SUCLG2: variants seen among roughly 807,000 people sequenced by gnomAD.
SUCLG2 encodes succinate--CoA ligase [GDP-forming] subunit beta, mitochondrial.
SUCLG2 carries 42 observed loss-of-function variants against 47.9 expected under a neutral mutation model. The observed-to-expected ratio is 0.88, with a 90% CI of 0.69 to 1.14. The LOEUF (loss-of-function observed/expected upper bound fraction) is 1.14. Ranked by LOEUF, SUCLG2 falls within the 50% of genes most tolerant of loss-of-function variation. The probability of loss-of-function intolerance (pLI) is 0.00; values close to 1 mark genes in which losing one functional copy is unlikely to be tolerated. For synonymous variants in SUCLG2, 195 were observed against 197.3 expected (o/e 0.99, Z 0.10); for missense variants, 571 against 525.9 (o/e 1.09, Z -0.84).
intron 2 of SUCLG2, among the ~76,000 whole-genome samples, chr3:67,568,779 G>T (rs940272656): frequency 4.6e-5 from 7 of 151,994 alleles, no homozygotes; most frequent in Non-Finnish European, 1.0e-4. Flanking sequence ...CCCAGCTACT[G>T]GGGAGGCTGA....
At chr3:67,566,375 A>G (rs1395973616) in intron 2 of SUCLG2, among the ~76,000 whole-genome samples, 2 of 152,220 alleles carry the variant, frequency 1.3e-5, no homozygotes, top group Non-Finnish European at 2.9e-5. Flanking sequence ...AAATATGGAA[A>G]AAATCTCATA....
chr3:67,503,940 T>G (rs963587238), intron 7 of SUCLG2, among the ~76,000 whole-genome samples: 2 of 152,086 alleles, frequency 1.3e-5, no homozygotes, highest in African/African-American at 2.4e-5. Context: ...CAGAAGAATG[T>G]GTCACAGAAT....
At position 67,400,791 on chromosome 3, in the gene SUCLG2, C is replaced by T. The variant is rs755864164; in HGVS notation, c.1123G>A (p.Gly375Arg). The change falls in exon 10 of 11, where the codon GGG (glycine) becomes AGG (arginine). Residue 375 changes from glycine (G) to arginine (R), a missense_variant. Gly to Arg is a moderately radical substitution (Grantham distance 125). Coordinates refer to ENST00000307227, the MANE Select transcript of SUCLG2 (RefSeq NM_003848.4). ...AGCTCCCGGCAGGCTTTGGTGATCC[C>T]ATTGGCAATGATGGCACAGTTGACG... ...GIVNCAIIAN[G>R]ITKACRELEL... 1.9e-6 allele frequency: 3 copies of T among 1,612,286 alleles called. No homozygotes were observed. Among genetic ancestry groups the T allele is most frequent in the Non-Finnish European group, 1.7e-6 (2 of 1,179,912 alleles).
intron 10 of SUCLG2, among the ~76,000 whole-genome samples, chr3:67,380,845 A>G (rs1043059310): frequency 2.0e-5 from 3 of 152,182 alleles, no homozygotes; most frequent in African/African-American, 4.8e-5. Context: ...AGTGCCTTCC[A>G]CACCAGCCCC....
At chr3:67,653,356 C>T (rs1240419227) in intron 1 of SUCLG2, among the ~76,000 whole-genome samples, 4 of 152,128 alleles carry the variant, frequency 2.6e-5, no homozygotes, top group Non-Finnish European at 5.9e-5. Flanking sequence ...TACTGTCAAG[C>T]ACCTATTAAG....
chr3:67,527,506 G>A (rs1706286932), intron 4 of SUCLG2, among the ~76,000 whole-genome samples: 1 of 152,152 alleles, frequency 6.6e-6, no homozygotes, highest in African/African-American at 2.4e-5. Flanking sequence ...AGATTGGCAG[G>A]AGGGAGAGTT....
chr3:67,410,475 G>A lies in SUCLG2; in HGVS notation c.1063-9624C>T, dbSNP rs535375070. 5.3e-5 allele frequency among the ~76,000 whole-genome samples: 8 copies of A among 152,282 alleles called. No homozygotes were observed. In the East Asian group the frequency reaches 1.3e-3, roughly 26 times the overall value. On this transcript the variant is annotated intron_variant, in intron 9 of 10. Transcript: ENST00000307227. ...AGGACTGAAGGGCACAGAGATTTGG[G>A]GGAATAGCACAAGCACAGTTTCTAT... is the stretch of plus-strand genomic sequence containing the variant.
At chr3:67,541,951 C>A (rs1268129464) in intron 2 of SUCLG2, among the ~76,000 whole-genome samples, 1 of 151,948 alleles carries the variant, frequency 6.6e-6, no homozygotes, top group Non-Finnish European at 1.5e-5. Flanking sequence ...TCGCTGCAAC[C>A]TCCTCCTCCT....
chr3:67,511,397 G>GAC (rs879583461), intron 6 of SUCLG2, among the ~76,000 whole-genome samples: 23 of 152,162 alleles, frequency 1.5e-4, no homozygotes, highest in Non-Finnish European at 2.9e-4. Flanking sequence ...TTGCAGGAGG[G>GAC]ACCCAGTGGG....
At chr3:67,428,716 A>G (rs1362907655) in intron 9 of SUCLG2, among the ~76,000 whole-genome samples, 1 of 152,186 alleles carries the variant, frequency 6.6e-6, no homozygotes, top group East Asian at 1.9e-4. Flanking sequence ...AATATTAGAC[A>G]AATGGCTAAC....
chr3:67,518,285 C>G lies in SUCLG2; in HGVS notation c.622G>C (p.Ala208Pro). 6.2e-7 allele frequency: 1 copy of G among 1,612,420 alleles called. No individual in the cohort carries two copies. The highest frequency in any genetic ancestry group is 1.3e-5 in the African/African-American group (1 of 75,024). Residue 208 changes from alanine to proline, a missense_variant, in exon 6 of 11, where the codon GCC becomes CCC. Physicochemically the swap from Ala to Pro is conservative, Grantham distance 27. Transcript: ENST00000307227. Reference sequence around the variant, plus strand: ...GGCCCAACGAAGCCTAGATTTTCGGCCATCCGCTGAGCTTGGCTGTCCTTT... The same window carrying G: ...GGCCCAACGAAGCCTAGATTTTCGGGCATCCGCTGAGCTTGGCTGTCCTTT... ...GIKDSQAQRM[A>P]ENLGFVGPLK... is the part of the protein sequence containing the mutation.
Position 67,609,526 on chromosome 3 carries a change from T to C in SUCLG2, c.155A>G (p.Asn52Ser), listed in dbSNP as rs767878482. ...EYQSKKLMSD[N>S]GVRVQRFFVA... ...AAAGAATCTTTGAACTCTCACTCCGTTGTCAGACATCAGTTTCTTGCTCTG... is the reference window on the plus strand; with the variant it reads ...AAAGAATCTTTGAACTCTCACTCCGCTGTCAGACATCAGTTTCTTGCTCTG... Residue 52 changes from asparagine (N) to serine (S), a missense_variant, in exon 2 of 11, where the codon AAC (asparagine) becomes AGC (serine). Physicochemically the swap from Asn to Ser is conservative, Grantham distance 46. Transcript: ENST00000307227. 1 of 1,613,908 alleles carries C rather than the reference T, an allele frequency of 6.2e-7. No homozygotes were observed. Among genetic ancestry groups the C allele is most frequent in the South Asian group, 1.1e-5 (1 of 91,072 alleles).
intron 9 of SUCLG2, among the ~76,000 whole-genome samples, chr3:67,452,985 A>T (rs1704093579): frequency 6.6e-6 from 1 of 152,162 alleles, no homozygotes; most frequent in South Asian, 2.1e-4. Context: ...TCATAGATGA[A>T]GGTCTAAAGT....
chr3:67,561,368 C>T (rs1707303769), intron 2 of SUCLG2, among the ~76,000 whole-genome samples: 1 of 152,058 alleles, frequency 6.6e-6, no homozygotes. Context: ...TGCTTTCTTG[C>T]ATTAAAAACA....
intron 1 of SUCLG2, among the ~76,000 whole-genome samples, chr3:67,653,407 TTAACAA>T (rs1203231264): frequency 1.3e-5 from 2 of 152,044 alleles, no homozygotes; most frequent in Non-Finnish European, 2.9e-5. Context: ...TAAATTTACA[TTAACAA>T]TAACAGAGAA....
At chr3:67,593,303 T>A (rs1194538016) in intron 2 of SUCLG2, among the ~76,000 whole-genome samples, 1 of 144,100 alleles carries the variant, frequency 6.9e-6, no homozygotes, top group Non-Finnish European at 1.5e-5. Flanking sequence ...GCAAATAGCA[T>A]ATTTAATTGG....
In SUCLG2 at chr3:67,644,111, C is replaced by G. The variant is rs527952896; in HGVS notation, c.84+10392G>C. ...TGGACATGGGAAACTGAAAATGTAG[C>G]CCAAGCTACATATGATACAACATTT... On this transcript the variant is annotated intron_variant, in intron 1 of 10. Coordinates refer to ENST00000307227, the MANE Select transcript of SUCLG2 (RefSeq NM_003848.4). Among the ~76,000 whole-genome samples, 26 of 152,150 alleles carry G rather than the reference C, an allele frequency of 1.7e-4. 1 individual carries two copies. The East Asian group carries it at 3.3e-3, about 19-fold the overall frequency.
intron 10 of SUCLG2, among the ~76,000 whole-genome samples, chr3:67,394,947 A>C (rs1423788808): frequency 6.6e-6 from 1 of 152,210 alleles, no homozygotes; most frequent in Non-Finnish European, 1.5e-5. Flanking sequence ...AGGAGAAATG[A>C]AATACTTTAC....
chr3:67,515,668 A>G (rs973691989), intron 6 of SUCLG2, among the ~76,000 whole-genome samples: 2 of 152,130 alleles, frequency 1.3e-5, no homozygotes, highest in African/African-American at 4.8e-5. Flanking sequence ...TACCTCTAAG[A>G]TACTATTTCC....
Sources: gnomAD v4.1 joint callset for allele counts (sites outside exome capture counted in the v4.1 genomes callset) on GRCh38, gnomAD v4.1.1 for gene constraint, MANE v1.5 for transcripts, NCBI Gene and HGNC (gene_info 2026-07-23, HGNC 2026-07-21) for gene names.